RORA: variants seen among roughly 807,000 people sequenced by gnomAD.
The protein encoded by RORA is nuclear receptor ROR-alpha.
A neutral mutation model predicts 69.5 loss-of-function variants in RORA; 7 were observed. The ratio of observed to expected loss-of-function variants is 0.10; its 90% CI spans 0.06 to 0.19. RORA has a LOEUF of 0.19. Among genes scored for constraint, RORA ranks in the 10% least tolerant of loss-of-function variants. The pLI, the probability that RORA is intolerant of heterozygous loss-of-function variation, is 1.00. For synonymous variants in RORA, 261 were observed against 240.8 expected (o/e 1.08, Z -0.78); for missense variants, 457 against 663.0 (o/e 0.69, Z 3.41).
At chr15:61,209,939 A>T (rs1311920808) in intron 1 of RORA, among the ~76,000 whole-genome samples, 1 of 152,206 alleles carries the variant, frequency 6.6e-6, no homozygotes, top group Non-Finnish European at 1.5e-5. Flanking sequence ...GTGAAAATTA[A>T]AATAGAACTG....
intron 1 of RORA, among the ~76,000 whole-genome samples, chr15:60,803,431 A>G (rs528094107): frequency 1.3e-5 from 2 of 152,308 alleles, no homozygotes; most frequent in African/African-American, 4.8e-5. Context: ...CAAGGATGCA[A>G]CCTATTAGGA....
At chr15:61,033,024 C>T (rs997921635) in intron 1 of RORA, among the ~76,000 whole-genome samples, 1 of 152,162 alleles carries the variant, frequency 6.6e-6, no homozygotes, top group Non-Finnish European at 1.5e-5. Flanking sequence ...ATTGCCTTTC[C>T]TGTTTTACAG....
At chr15:60,716,515 G>A (rs1342510893) in intron 1 of RORA, among the ~76,000 whole-genome samples, 1 of 152,112 alleles carries the variant, frequency 6.6e-6, no homozygotes, top group East Asian at 1.9e-4. Context: ...AAGATACTGT[G>A]GTGTGATCAT....
intron 1 of RORA, among the ~76,000 whole-genome samples, chr15:60,732,206 A>G (rs958408455): frequency 1.3e-4 from 20 of 152,252 alleles, no homozygotes; most frequent in African/African-American, 4.8e-4. Flanking sequence ...AGGTTCTATT[A>G]TCTAAAAATA....
At chr15:61,163,611 T>C (rs2079516009) in intron 1 of RORA, among the ~76,000 whole-genome samples, 1 of 152,130 alleles carries the variant, frequency 6.6e-6, no homozygotes, top group Admixed American at 6.5e-5. Flanking sequence ...TGAGACCAGA[T>C]ACGTGCCAAG....
chr15:60,677,943 C>T (rs891028398), intron 2 of RORA, among the ~76,000 whole-genome samples: 1 of 152,180 alleles, frequency 6.6e-6, no homozygotes, highest in Non-Finnish European at 1.5e-5. Context: ...AAGTTGACTG[C>T]CTGCATCAAT....
At chr15:61,222,128 C>G (rs1292324216) in intron 1 of RORA, among the ~76,000 whole-genome samples, 1 of 152,130 alleles carries the variant, frequency 6.6e-6, no homozygotes, top group Non-Finnish European at 1.5e-5. Flanking sequence ...GGTATAGAAG[C>G]TCTACCTGGG....
intron 3 of RORA, chr15:60,529,022 C>G (rs2066450493): frequency 6.6e-6 from 1 of 152,292 alleles, no homozygotes; most frequent in East Asian, 1.9e-4. Context: ...GCTACTAAAG[C>G]TTCTACCATT....
chr15:60,803,028 C>T (rs2072609916), intron 1 of RORA, among the ~76,000 whole-genome samples: 1 of 152,014 alleles, frequency 6.6e-6, no homozygotes, highest in Non-Finnish European at 1.5e-5. Flanking sequence ...AGAAAGATGC[C>T]TCAATTTTTT....
chr15:60,526,634 C>T (rs1027393727), intron 3 of RORA, among the ~76,000 whole-genome samples: 4 of 152,140 alleles, frequency 2.6e-5, no homozygotes, highest in African/African-American at 2.4e-5. Context: ...ACTCAGGCAT[C>T]GTAAGGATGC....
At chr15:60,820,830 T>A (rs2072884356) in intron 1 of RORA, among the ~76,000 whole-genome samples, 1 of 152,236 alleles carries the variant, frequency 6.6e-6, no homozygotes, top group Admixed American at 6.5e-5. Flanking sequence ...TCTCTCAAAG[T>A]GCAGTCACAG....
intron 5 of RORA, among the ~76,000 whole-genome samples, chr15:60,506,121 A>G (rs2065492931): frequency 6.6e-6 from 1 of 152,234 alleles, no homozygotes; most frequent in Non-Finnish European, 1.5e-5. Flanking sequence ...CTGAGGGCCT[A>G]CCATGTGGCT....
chr15:60,902,607 T>C (rs877863), intron 1 of RORA, among the ~76,000 whole-genome samples: 62,269 of 152,070 alleles, frequency 0.41, 13,719 homozygotes, highest in Non-Finnish European at 0.49. Flanking sequence ...GAAAGATGAT[T>C]TGGATCTTTT....
chr15:61,163,385 G>A (rs2079513354), intron 1 of RORA, among the ~76,000 whole-genome samples: 1 of 152,126 alleles, frequency 6.6e-6, no homozygotes, highest in Non-Finnish European at 1.5e-5. Context: ...CTATTCAGAG[G>A]CAAGTCAGTT....
chr15:60,706,635 C>T (rs1340307165), intron 1 of RORA, among the ~76,000 whole-genome samples: 3 of 152,184 alleles, frequency 2.0e-5, no homozygotes, highest in Non-Finnish European at 4.4e-5. Flanking sequence ...CACTTTTAAA[C>T]ATTCCATGGG....
chr15:60,581,100 A>G (rs2068179443), intron 2 of RORA, among the ~76,000 whole-genome samples: 1 of 152,242 alleles, frequency 6.6e-6, no homozygotes, highest in Non-Finnish European at 1.5e-5. Context: ...AGTGCAAAAC[A>G]TATTTCTAGC....
At chr15:60,765,920 CA>C (rs146335402) in intron 1 of RORA, among the ~76,000 whole-genome samples, 2 of 151,960 alleles carry the variant, frequency 1.3e-5, no homozygotes, top group East Asian at 1.9e-4. Flanking sequence ...GAAGAATAAA[CA>C]AAAAGAATCA....
chr15:60,523,900 C>T (rs1197482294), intron 3 of RORA, among the ~76,000 whole-genome samples: 1 of 152,162 alleles, frequency 6.6e-6, no homozygotes. Flanking sequence ...GTCTTGAACT[C>T]TTGGCTTTAA....
At chr15:60,790,849 G>A (rs2072405928) in intron 1 of RORA, among the ~76,000 whole-genome samples, 1 of 152,098 alleles carries the variant, frequency 6.6e-6, no homozygotes, top group South Asian at 2.1e-4. Flanking sequence ...ATGCATGCTG[G>A]GGCTTGTAGG....
Sources: gnomAD v4.1 joint callset for allele counts (sites outside exome capture counted in the v4.1 genomes callset) on GRCh38, gnomAD v4.1.1 for gene constraint, MANE v1.5 for transcripts, NCBI Gene and HGNC (gene_info 2026-07-23, HGNC 2026-07-21) for gene names.